The following SMCO1 variants were observed in gnomAD, a reference collection of about 807,000 sequenced individuals.
The protein encoded by SMCO1 is single-pass membrane and coiled-coil domain-containing protein 1.
A neutral mutation model predicts 7.5 loss-of-function variants in SMCO1; 9 were observed. The observed-to-expected ratio is 1.20, with a 90% CI of 0.72 to 2.09. The LOEUF (loss-of-function observed/expected upper bound fraction) is 2.09, where lower values mean the gene tolerates loss of function less well. Among genes scored for constraint, SMCO1 ranks in the 30% most tolerant of loss-of-function variants. The pLI is 0.00. For synonymous variants in SMCO1, 90 were observed against 93.8 expected (o/e 0.96, Z 0.23); for missense variants, 219 against 253.1 (o/e 0.87, Z 0.91).
At position 196,508,158 on chromosome 3, in the gene SMCO1, A is replaced by G. The variant is rs759802309; in HGVS notation, c.374T>C (p.Ile125Thr). 5.6e-6 allele frequency: 9 copies of G among 1,614,044 alleles called. No individual in the cohort carries two copies. In the East Asian group the frequency reaches 6.7e-5, roughly 12 times the overall value. The change falls in exon 3 of 3, where the codon ATA becomes ACA. Residue 125 changes from isoleucine to threonine, a missense_variant. By Grantham distance (89) the Ile-to-Thr change is moderately conservative (BLOSUM62 -1). Transcript: ENST00000397537. ...TTCTTGCAGCCCACACTCCTCCAGT[A>G]TGGACTCCCATACAACTCTAACGCG... Reference protein sequence around the residue: ...NKRVRVVWESILEECGLQEGD... With the variant: ...NKRVRVVWESTLEECGLQEGD...
upstream of SMCO1, among the ~76,000 whole-genome samples, chr3:196,519,526 C>T (rs536447404): frequency 1.3e-5 from 2 of 152,300 alleles, no homozygotes. Flanking sequence ...GCAGGAAAAT[C>T]GCCATTAGGT....
At chr3:196,512,509 C>CTTTTTTTTTTTTT (rs36023059) in intron 1 of SMCO1, among the ~76,000 whole-genome samples, 1 of 114,044 alleles carries the variant, frequency 8.8e-6, no homozygotes. Flanking sequence ...TATTTCCTTT[C>CTTTTTTTTTTTTT]TTTTTTTTTT....
upstream of SMCO1, among the ~76,000 whole-genome samples, chr3:196,515,684 C>CT (rs1733366625): frequency 6.6e-6 from 1 of 151,956 alleles, no homozygotes; most frequent in Non-Finnish European, 1.5e-5. Context: ...AGCAAAAAAT[C>CT]TAACTATCAT....
At chr3:196,509,777 T>TA in intron 1 of SMCO1, 108 bp from the exon 2 acceptor site, 2 of 949,382 alleles carry the variant, frequency 2.1e-6, no homozygotes, top group Non-Finnish European at 3.0e-6. Context: ...CAAATTTGGA[T>TA]AACTTTTTTT....
At chr3:196,514,451 T>G (rs1733329425) in intron 1 of SMCO1, among the ~76,000 whole-genome samples, 1 of 152,204 alleles carries the variant, frequency 6.6e-6, no homozygotes, top group Admixed American at 6.5e-5. Context: ...GAAGAGTTCC[T>G]TTTTCTAGTG....
At position 196,507,765 on chromosome 3, in the gene SMCO1, A is replaced by C. The variant is rs1733087293; in HGVS notation, c.*122T>G. On this transcript the variant is annotated 3_prime_UTR_variant, in exon 3 of 3. Transcript: ENST00000397537. ...AGTATCTATTGTATCAATTTGTCAT[A>C]ATTTATTTAACATCCTCTCACTCTT... 1 of 636,956 alleles carries C rather than the reference A, an allele frequency of 1.6e-6. No homozygotes were observed. The highest frequency in any genetic ancestry group is 1.8e-5 in the African/African-American group (1 of 54,474). The allele number at this position is 636,956 out of a possible 1,614,324, so 39.5% of individuals were successfully genotyped here. A position where few individuals can be genotyped will look rare whatever the true frequency, so the allele number is the denominator to read the frequency against.
chr3:196,509,502 T>C lies in SMCO1; in HGVS notation c.200+18A>G. The C allele has an allele frequency of 1.3e-6, 2 of 1,591,616 alleles. No individual in the cohort carries two copies. The highest frequency in any genetic ancestry group is 1.7e-6 in the Non-Finnish European group (2 of 1,164,242). The stretch of plus-strand genomic sequence containing the variant: ...CACAAAGCCACAGAATCCCACTGAT[T>C]TCTCAATTGATACTCACTGGAGTGC... On this transcript the variant is annotated intron_variant, in intron 2 of 2. Transcript: ENST00000397537.
At chr3:196,512,483 C>G (rs1272199901) in intron 1 of SMCO1, among the ~76,000 whole-genome samples, 1 of 151,308 alleles carries the variant, frequency 6.6e-6, no homozygotes, top group Non-Finnish European at 1.5e-5. Flanking sequence ...TACATCTCTC[C>G]TAAGCTTTAA....
In SMCO1 at chr3:196,508,260, A is replaced by G. The variant is rs1327776599; in HGVS notation, c.272T>C (p.Val91Ala). ...IEVLICLHTR[V>A]LEKLPDLVRG... ...CACCAGGTCTGGCAGCTTCTCAAGC[A>G]CACGAGTATGCAAGCAGATAAGTAC... Residue 91 changes from valine (V) to alanine (A), a missense_variant, in exon 3 of 3, where the codon GTG becomes GCG. Physicochemically the swap from Val to Ala is moderately conservative, Grantham distance 64. Coordinates refer to ENST00000397537, the MANE Select transcript of SMCO1 (RefSeq NM_001077657.3). 1.2e-6 allele frequency: 2 copies of G among 1,614,224 alleles called. No individual in the cohort carries two copies. The highest frequency in any genetic ancestry group is 1.7e-6 in the Non-Finnish European group (2 of 1,180,018).
intron 1 of SMCO1, 21 bp from the exon 2 acceptor site, chr3:196,509,690 G>C (rs570696636): frequency 6.2e-7 from 1 of 1,600,112 alleles, no homozygotes; most frequent in East Asian, 2.2e-5. Flanking sequence ...ACAGAATCAA[G>C]GGTTAGTTTA....
upstream of SMCO1, chr3:196,515,470 C>A: frequency 2.1e-6 from 1 of 470,610 alleles, no homozygotes; most frequent in South Asian, 2.4e-5. Flanking sequence ...AAAACTGAAC[C>A]ATAGTACATT....
upstream of SMCO1, among the ~76,000 whole-genome samples, chr3:196,519,789 T>G (rs1577539541): frequency 6.6e-6 from 1 of 152,148 alleles, no homozygotes; most frequent in Non-Finnish European, 1.5e-5. Context: ...GGGAACCACA[T>G]GCAGAGAACT....
At chr3:196,511,232 C>A (rs1733218672) in intron 1 of SMCO1, among the ~76,000 whole-genome samples, 1 of 138,926 alleles carries the variant, frequency 7.2e-6, no homozygotes, top group African/African-American at 3.3e-5. Flanking sequence ...GCCTGAGCCA[C>A]CTAGATTGTC....
intron 2 of SMCO1, among the ~76,000 whole-genome samples, chr3:196,508,703 G>T (rs575180018): frequency 1.3e-5 from 2 of 151,080 alleles, no homozygotes; most frequent in African/African-American, 4.8e-5. Context: ...GTGGGAGGAC[G>T]AGGTGGTTGG....
upstream of SMCO1, among the ~76,000 whole-genome samples, chr3:196,519,862 G>T (rs926179291): frequency 6.6e-6 from 1 of 152,136 alleles, no homozygotes; most frequent in Non-Finnish European, 1.5e-5. Flanking sequence ...ATGGCTTGGA[G>T]AGTCACACCT....
Position 196,509,616 on chromosome 3 carries a change from G to C in SMCO1, c.104C>G (p.Thr35Ser), listed in dbSNP as rs367798814. 6.2e-7 allele frequency: 1 copy of C among 1,614,002 alleles called. No individual in the cohort carries two copies. Among genetic ancestry groups the C allele is most frequent in the African/African-American group, 1.3e-5 (1 of 75,000 alleles). ...GAATTTCTGCATCAGGTTATCCTTG[G>C]TGAAGTCTAGTTCTTTGAACTGTGT... ...LETQFKELDF[T>S]KDNLMQKFEH... Residue 35 changes from threonine (T) to serine (S), a missense_variant, in exon 2 of 3, where the codon ACC (threonine) becomes AGC (serine). By Grantham distance (58) the Thr-to-Ser change is moderately conservative (BLOSUM62 1). Transcript: ENST00000397537.
upstream of SMCO1, among the ~76,000 whole-genome samples, chr3:196,518,778 A>G (rs530162638): frequency 6.6e-6 from 1 of 152,298 alleles, no homozygotes; most frequent in African/African-American, 2.4e-5. Flanking sequence ...TCAAATCAAT[A>G]ACAAGCATCC....
At chr3:196,508,881 G>T (rs1298089144) in intron 2 of SMCO1, among the ~76,000 whole-genome samples, 5 of 140,324 alleles carry the variant, frequency 3.6e-5, no homozygotes, top group African/African-American at 1.3e-4. Context: ...AGCTTGCAGG[G>T]AGCCAAGATT....
chr3:196,507,395 C>G lies in SMCO1; in HGVS notation c.*492G>C, dbSNP rs1733073604. On this transcript the variant is annotated 3_prime_UTR_variant, in exon 3 of 3. Transcript: ENST00000397537. ...TATAGGCATGAGCCACCATGTCCGGCCTTGTTTATTTTTTAAATAGGTAAT... is the reference window on the plus strand; with the variant it reads ...TATAGGCATGAGCCACCATGTCCGGGCTTGTTTATTTTTTAAATAGGTAAT... The G allele has an allele frequency of 6.6e-6, 1 of 152,192 alleles. No individual in the cohort carries two copies. Among genetic ancestry groups the G allele is most frequent in the African/African-American group, 2.4e-5 (1 of 41,384 alleles). 9.4% of individuals were successfully genotyped at this position (152,192 alleles called of 1,614,324 possible).
Sources: allele counts gnomAD v4.1 joint callset (sites outside exome capture counted in the v4.1 genomes callset), GRCh38; gene constraint gnomAD v4.1.1; transcripts MANE v1.5; gene names NCBI Gene and HGNC (gene_info 2026-07-23, HGNC 2026-07-21).